The following USP29 variants were observed in gnomAD, a reference collection of about 807,000 sequenced individuals.
The protein encoded by USP29 is ubiquitin carboxyl-terminal hydrolase 29.
For synonymous variants in USP29, 386 were observed against 387.4 expected (o/e 1.00, Z 0.04); for missense variants, 1,102 against 1,069.0 (o/e 1.03, Z -0.43).
intron 1 of USP29, among the ~76,000 whole-genome samples, chr19:57,121,373 C>A (rs994569813): frequency 3.6e-5 from 5 of 139,684 alleles, no homozygotes; most frequent in Admixed American, 7.3e-5. Context: ...ATGTTATATA[C>A]TTATATATGT....
At chr19:57,125,642 T>G (rs200614598) in intron 3 of USP29, among the ~76,000 whole-genome samples, 2 of 138,698 alleles carry the variant, frequency 1.4e-5, no homozygotes. Flanking sequence ...CCCTTTATTT[T>G]GAGCCTATGT....
rs2086853766 is a variant in USP29, at chr19:57,130,719, C to T, written c.2044C>T (p.Leu682Phe). Residue 682 changes from leucine to phenylalanine, a missense_variant, in exon 4 of 4, where the codon CTT (leucine) becomes TTT (phenylalanine). Leu to Phe is a conservative substitution (Grantham distance 22). Coordinates refer to ENST00000254181, the MANE Select transcript of USP29 (RefSeq NM_020903.3). ...AGACACAAGGCTTGTCGAGGTTCAT[C>T]TTCAAGAGGTGCCTCAACATCCAGA... The part of the protein sequence containing the change: ...SPDTRLVEVH[L>F]QEVPQHPELQ... The T allele has an allele frequency of 3.1e-6, 5 of 1,614,186 alleles. No homozygotes were observed. The highest frequency in any genetic ancestry group is 4.2e-6 in the Non-Finnish European group (5 of 1,180,020).
In USP29 at chr19:57,130,815, G is replaced by T; in HGVS notation, c.2140G>T (p.Gly714Cys). ...TGACAGTGTCACTGAGTCCACCAAT[G>T]GCTTTTATGACTGTAAAGAAAACAG... ...NFDSVTESTN[G>C]FYDCKENRIP... The change falls in exon 4 of 4, where the codon GGC (glycine) becomes TGC (cysteine). Residue 714 changes from glycine (G) to cysteine (C), a missense_variant. Transcript: ENST00000254181. 1 of 1,614,110 alleles carries T rather than the reference G, an allele frequency of 6.2e-7. No individual in the cohort carries two copies.
Position 57,129,625 on chromosome 19 carries a change from G to A in USP29, c.950G>A (p.Gly317Asp), listed in dbSNP as rs756697859. Residue 317 changes from glycine (G) to aspartate (D), a missense_variant, in exon 4 of 4, where the codon GGT (glycine) becomes GAT (aspartate). Coordinates refer to ENST00000254181, the MANE Select transcript of USP29 (RefSeq NM_020903.3). Reference protein sequence around the residue: ...PSFADDLLTQGVPWEYIPFEA... With the variant: ...PSFADDLLTQDVPWEYIPFEA... ...TTTGCTGATGACTTACTCACTCAAG[G>A]TGTCCCATGGGAATATATTCCCTTT... 2.5e-6 allele frequency: 4 copies of A among 1,614,052 alleles called. No homozygotes were observed. The highest frequency in any genetic ancestry group is 2.5e-6 in the Non-Finnish European group (3 of 1,180,064).
intron 1 of USP29, among the ~76,000 whole-genome samples, chr19:57,121,118 C>CA (rs77731254): frequency 0.024 from 2,996 of 125,668 alleles, 96 homozygotes; most frequent in African/African-American, 0.078. Flanking sequence ...CACCTCCCGC[C>CA]AAAAAAAAAA....
intron 2 of USP29, among the ~76,000 whole-genome samples, 157 bp from the exon 3 acceptor site, chr19:57,123,882 C>A (rs911985170): frequency 1.3e-5 from 2 of 152,044 alleles, no homozygotes; most frequent in Non-Finnish European, 2.9e-5. Flanking sequence ...AGGTTTTCTC[C>A]CAGATTAAAT....
In USP29 at chr19:57,130,363, T is replaced by C. The variant is rs771254506; in HGVS notation, c.1688T>C (p.Leu563Pro). 8.1e-6 allele frequency: 13 copies of C among 1,614,208 alleles called. No individual in the cohort carries two copies. In the South Asian group the frequency reaches 1.4e-4, roughly 18 times the overall value. Reference sequence around the variant, plus strand: ...GCACCTGTTGGGAAATGTGAAGTCCTGGAAGTCTCTCAGGAGATGATTTCT... The same window carrying C: ...GCACCTGTTGGGAAATGTGAAGTCCCGGAAGTCTCTCAGGAGATGATTTCT... ...SSAPVGKCEV[L>P]EVSQEMISEI... is the part of the protein sequence containing the mutation. The change falls in exon 4 of 4, where the codon CTG (leucine) becomes CCG (proline). Residue 563 changes from leucine to proline, a missense_variant. Leu to Pro is a moderately conservative substitution (Grantham distance 98). Transcript: ENST00000254181.
At chr19:57,119,541 G>T (rs1382110790), upstream of USP29, among the ~76,000 whole-genome samples, 1 of 152,134 alleles carries the variant, frequency 6.6e-6, no homozygotes, top group Non-Finnish European at 1.5e-5. Context: ...TCCTGCCTCA[G>T]CCTCCCGAGT....
intron 2 of USP29, among the ~76,000 whole-genome samples, chr19:57,123,243 T>C (rs141674040): frequency 6.6e-6 from 1 of 152,328 alleles, no homozygotes; most frequent in East Asian, 1.9e-4. Flanking sequence ...CAGAATTAAA[T>C]GGTATTAAGG....
Position 57,127,429 on chromosome 19 carries a change from A to T in USP29, c.-16-1231A>T, listed in dbSNP as rs768439969. ...TCTGTCCCAGGGAGATGGGAATTTT[A>T]TCTGTAAGCCCCTGACTGGGACTGT... On this transcript the variant is annotated intron_variant, in intron 3 of 3. Coordinates refer to ENST00000254181, the MANE Select transcript of USP29 (RefSeq NM_020903.3). Among the ~76,000 whole-genome samples the T allele has an allele frequency of 2.0e-5, 3 of 152,122 alleles. No individual in the cohort carries two copies. The East Asian group carries it at 5.8e-4, about 29-fold the overall frequency.
At chr19:57,123,590 C>T (rs1179324129) in intron 2 of USP29, among the ~76,000 whole-genome samples, 1 of 152,046 alleles carries the variant, frequency 6.6e-6, no homozygotes, top group Non-Finnish European at 1.5e-5. Flanking sequence ...TTGGAATGTA[C>T]AATGTGTGAT....
intron 3 of USP29, among the ~76,000 whole-genome samples, chr19:57,124,561 T>A (rs1005701502): frequency 2.6e-5 from 4 of 151,724 alleles, no homozygotes; most frequent in Non-Finnish European, 5.9e-5. Flanking sequence ...CCAGCTGGAG[T>A]GCAGTGGCGA....
chr19:57,120,827 G>A (rs2086791617), intron 1 of USP29, among the ~76,000 whole-genome samples: 2 of 117,492 alleles, frequency 1.7e-5, no homozygotes, highest in Admixed American at 9.3e-5. Context: ...AAAAAAGGCC[G>A]GGCACGGTGG....
At chr19:57,123,504 G>T (rs2086808281) in intron 2 of USP29, among the ~76,000 whole-genome samples, 1 of 152,318 alleles carries the variant, frequency 6.6e-6, no homozygotes, top group Middle Eastern at 3.4e-3. Flanking sequence ...ACGAAAGTAA[G>T]ACTCAGGAGG....
Position 57,128,741 on chromosome 19 carries a change from G to C in USP29, c.66G>C (p.Leu22=). The part of the protein sequence containing the change: ...IWSQKTGMTK[L]KEALIETVQR... ...GCCAGAAGACTGGGATGACTAAGCT[G>C]AAAGAAGCTCTCATTGAAACAGTGC... The change falls in exon 4 of 4, where the codon CTG becomes CTC. Residue 22 remains leucine, a synonymous_variant. Coordinates refer to ENST00000254181, the MANE Select transcript of USP29 (RefSeq NM_020903.3). 1.9e-6 allele frequency: 3 copies of C among 1,612,176 alleles called. No individual in the cohort carries two copies. Among genetic ancestry groups the C allele is most frequent in the Non-Finnish European group, 1.7e-6 (2 of 1,179,526 alleles).
At position 57,131,746 on chromosome 19, in the gene USP29, C is replaced by T. The variant is rs958630416; in HGVS notation, c.*302C>T. On this transcript the variant is annotated 3_prime_UTR_variant, in exon 4 of 4. Coordinates refer to ENST00000254181, the MANE Select transcript of USP29 (RefSeq NM_020903.3). ...AACAGCTAGGGACTGATTAGAAATG[C>T]AAATTCTTGGGTCACTCTCTAGACC... 1 of 318,344 alleles carries T rather than the reference C, an allele frequency of 3.1e-6. No homozygotes were observed. The allele number at this position is 318,344 out of a possible 1,614,324, so 19.7% of individuals were successfully genotyped here.
chr19:57,131,387 G>A lies in USP29; in HGVS notation c.2712G>A (p.Gln904=), dbSNP rs2086860041. ...KAENSRLPST[Q]AGVIPQGEYE... is the part of the protein sequence containing the mutation. ...AGAACTCTCGGCTACCTAGCACACA[G>A]GCAGGGGTGATCCCTCAGGGGGAAT... is the stretch of plus-strand genomic sequence containing the variant. The change falls in exon 4 of 4, where the codon CAG becomes CAA. Residue 904 remains glutamine (Q), a synonymous_variant. Transcript: ENST00000254181. The A allele has an allele frequency of 1.2e-6, 2 of 1,614,024 alleles. No homozygotes were observed. The highest frequency in any genetic ancestry group is 2.7e-5 in the African/African-American group (2 of 74,922).
Position 57,128,879 on chromosome 19 carries a change from A to G in USP29, c.204A>G (p.Arg68=), listed in dbSNP as rs144516387. 1.7e-5 allele frequency: 27 copies of G among 1,613,124 alleles called. 1 individual carries two copies. The African/African-American group carries it at 2.9e-4, about 18-fold the overall frequency. ...RSVVLRHCKK[R]QSHLRLTLKN... is the part of the protein sequence containing the mutation. ...TGGTCCTTAGACATTGTAAAAAAAG[A>G]CAAAGTCACCTGCGTTTAACTTTGA... The change falls in exon 4 of 4, where the codon AGA becomes AGG. Residue 68 remains arginine, a synonymous_variant. Transcript: ENST00000254181.
chr19:57,120,829 G>A lies in USP29; in HGVS notation c.-268+600G>A, dbSNP rs537337735. Among the ~76,000 whole-genome samples the A allele has an allele frequency of 1.4e-4, 19 of 138,386 alleles. 1 individual carries two copies. In the South Asian group the frequency reaches 4.5e-3, roughly 33 times the overall value. The allele number at this position is 138,386 out of a possible 152,430, so 90.8% of individuals were successfully genotyped here. Reference sequence around the variant, plus strand: ...AAAAAAAAAACAGAAAAAAGGCCGGGCACGGTGGCTCACTCCTGTAATTCC... The same window carrying A: ...AAAAAAAAAACAGAAAAAAGGCCGGACACGGTGGCTCACTCCTGTAATTCC... On this transcript the variant is annotated intron_variant, in intron 1 of 3. Transcript: ENST00000254181.
Sources: allele counts gnomAD v4.1 joint callset (sites outside exome capture counted in the v4.1 genomes callset), GRCh38; gene constraint gnomAD v4.1.1; transcripts MANE v1.5; gene names NCBI Gene and HGNC (gene_info 2026-07-23, HGNC 2026-07-21).